Variants in AATF observed in about 807,000 individuals in gnomAD.
AATF encodes apoptosis antagonizing transcription factor.
A neutral mutation model predicts 63.7 loss-of-function variants in AATF; 48 were observed. The ratio of observed to expected loss-of-function variants is 0.75; its 90% CI spans 0.60 to 0.96. The LOEUF is 0.96. AATF is among the 40% of genes least tolerant of loss of function. The probability of loss-of-function intolerance (pLI) is 0.00; values close to 1 mark genes in which losing one functional copy is unlikely to be tolerated. For synonymous variants in AATF, 258 were observed against 247.7 expected (o/e 1.04, Z -0.39); for missense variants, 639 against 685.7 (o/e 0.93, Z 0.76).
intron 4 of AATF, among the ~76,000 whole-genome samples, chr17:36,969,334 T>A (rs1333907433): frequency 6.6e-6 from 1 of 152,256 alleles, no homozygotes; most frequent in Admixed American, 6.5e-5. Flanking sequence ...TTAGTCCCCC[T>A]GTTTTCAATA....
At chr17:36,953,747 G>A in intron 3 of AATF, 23 bp from the exon 4 acceptor site, 1 of 1,604,566 alleles carries the variant, frequency 6.2e-7, no homozygotes. Context: ...TTGAGGAATG[G>A]GATTCTCTTT....
intron 8 of AATF, among the ~76,000 whole-genome samples, chr17:37,009,810 C>T (rs1169606895): frequency 1.7e-5 from 2 of 114,898 alleles, no homozygotes; most frequent in African/African-American, 3.6e-5. Context: ...GGCGACAGAG[C>T]GAGACTCCGT....
At chr17:36,952,029 A>G (rs1168873308) in intron 2 of AATF, among the ~76,000 whole-genome samples, 4 of 152,230 alleles carry the variant, frequency 2.6e-5, no homozygotes, top group Admixed American at 2.0e-4. Context: ...TCAAACAAAG[A>G]GCCTTAACTA....
At chr17:36,952,316 A>G (rs1311521229) in intron 2 of AATF, among the ~76,000 whole-genome samples, 5 of 152,202 alleles carry the variant, frequency 3.3e-5, no homozygotes, top group Admixed American at 2.0e-4. Context: ...ATGCATATCT[A>G]CCACTCCCAC....
intron 2 of AATF, among the ~76,000 whole-genome samples, chr17:36,952,187 A>G (rs1206520781): frequency 6.6e-6 from 1 of 152,222 alleles, no homozygotes; most frequent in Non-Finnish European, 1.5e-5. Context: ...CTTATGCTTC[A>G]TAAGTAAAAT....
Position 36,953,866 on chromosome 17 carries a change from A to G in AATF, c.791A>G (p.Lys264Arg), listed in dbSNP as rs1211081892. The G allele has an allele frequency of 6.8e-6, 11 of 1,614,054 alleles. No individual in the cohort carries two copies. The highest frequency in any genetic ancestry group is 9.3e-6 in the Non-Finnish European group (11 of 1,180,034). ...LPQPDVFPLF[K>R]DKGGPEFSSA... ...CAACCAGATGTTTTCCCATTGTTCAAGGACAAAGGTGGCCCAGAATTTTCC... is the reference window on the plus strand; with the variant it reads ...CAACCAGATGTTTTCCCATTGTTCAGGGACAAAGGTGGCCCAGAATTTTCC... Residue 264 changes from lysine to arginine, a missense_variant, in exon 4 of 12, where the codon AAG becomes AGG. Coordinates refer to ENST00000619387, the MANE Select transcript of AATF (RefSeq NM_012138.4).
intron 8 of AATF, among the ~76,000 whole-genome samples, chr17:37,012,835 A>G (rs1270651138): frequency 6.6e-6 from 1 of 152,228 alleles, no homozygotes; most frequent in Non-Finnish European, 1.5e-5. Flanking sequence ...CACTATATAT[A>G]AAAATTAACT....
intron 4 of AATF, among the ~76,000 whole-genome samples, chr17:36,970,538 T>C (rs34899686): frequency 0.18 from 21,049 of 118,542 alleles, 4,752 homozygotes; most frequent in African/African-American, 0.51. Context: ...TTCTTTCTTT[T>C]TTCTTTTTTT....
chr17:37,021,002 G>A lies in AATF; in HGVS notation c.1535G>A (p.Gly512Asp). The A allele has an allele frequency of 6.2e-7, 1 of 1,610,382 alleles. No individual in the cohort carries two copies. The highest frequency in any genetic ancestry group is 8.5e-7 in the Non-Finnish European group (1 of 1,178,148). Residue 512 changes from glycine (G) to aspartate (D), a missense_variant, in exon 10 of 12, where the codon GGC (glycine) becomes GAC (aspartate). Physicochemically the swap from Gly to Asp is moderately conservative, Grantham distance 94. Coordinates refer to ENST00000619387, the MANE Select transcript of AATF (RefSeq NM_012138.4). ...AAAGTAGATAGGAAAGCCAGCAAAG[G>A]CAGGAAACTTCGGTGAGTTACTTTT... is the stretch of plus-strand genomic sequence containing the variant. Reference protein sequence around the residue: ...HKKVDRKASKGRKLRFHVLSK... With the variant: ...HKKVDRKASKDRKLRFHVLSK...
intron 4 of AATF, among the ~76,000 whole-genome samples, chr17:36,985,919 G>A (rs1360221845): frequency 6.6e-6 from 1 of 152,136 alleles, no homozygotes; most frequent in East Asian, 1.9e-4. Flanking sequence ...TATTACATAT[G>A]CATCTTATTG....
At chr17:37,033,970 G>T (rs990500547) in intron 11 of AATF, among the ~76,000 whole-genome samples, 1 of 152,190 alleles carries the variant, frequency 6.6e-6, no homozygotes, top group Non-Finnish European at 1.5e-5. Flanking sequence ...TCCAGGTAGA[G>T]CAAGCAAGGG....
At position 36,968,266 on chromosome 17, in the gene AATF, CTTTCTTTTT is replaced by C. The variant is rs2071009526; in HGVS notation, c.832+14363_832+14371del. The stretch of plus-strand genomic sequence containing the variant: ...CTTTTTTCTTTTTCTTTCTTTCCTT[CTTTCTTTTT>C]TTTTTTTTTTTTTTTTTTTTTTTTT... On this transcript the variant is annotated intron_variant, in intron 4 of 11. Transcript: ENST00000619387. 5.0e-4 allele frequency among the ~76,000 whole-genome samples: 38 copies of C among 75,572 alleles called. 2 individuals are homozygous for C. The highest frequency in any genetic ancestry group is 1.9e-3 in the African/African-American group (35 of 18,492). 49.6% of individuals were successfully genotyped at this position (75,572 alleles called of 152,430 possible).
chr17:36,980,690 GGA>G (rs1292751977), intron 4 of AATF, among the ~76,000 whole-genome samples: 1 of 152,066 alleles, frequency 6.6e-6, no homozygotes, highest in East Asian at 1.9e-4. Context: ...TGAGTTTCCG[GGA>G]GAGAGTCTTT....
At position 36,954,997 on chromosome 17, in the gene AATF, T is replaced by C. The variant is rs549743658; in HGVS notation, c.832+1090T>C. Among the ~76,000 whole-genome samples the C allele has an allele frequency of 1.2e-4, 19 of 152,264 alleles. 1 individual carries two copies. The South Asian group carries it at 3.9e-3, about 32-fold the overall frequency. ...TAGATATATATGTATAGATTATGTA[T>C]CTATCTCTCTATATATATATTTGGG... On this transcript the variant is annotated intron_variant, in intron 4 of 11. Coordinates refer to ENST00000619387, the MANE Select transcript of AATF (RefSeq NM_012138.4).
intron 10 of AATF, among the ~76,000 whole-genome samples, chr17:37,031,212 C>CT (rs2071549487): frequency 6.6e-6 from 1 of 152,186 alleles, no homozygotes; most frequent in African/African-American, 2.4e-5. Context: ...CAAGTGCAGA[C>CT]TTTTTTCTCG....
In AATF at chr17:36,949,203, G is replaced by C. The variant is rs758028421; in HGVS notation, c.78G>C (p.Ala26=). The change falls in exon 1 of 12, where the codon GCG becomes GCC. Residue 26 remains alanine (A), a synonymous_variant. Transcript: ENST00000619387. ...NPRPSEADPE[A]DPEEATAARV... ...GACCAAGCGAGGCGGACCCTGAAGCGGACCCCGAGGAAGGTGAGGCCGGAC... is the reference window on the plus strand; with the variant it reads ...GACCAAGCGAGGCGGACCCTGAAGCCGACCCCGAGGAAGGTGAGGCCGGAC... The C allele has an allele frequency of 1.1e-5, 17 of 1,591,496 alleles. No homozygotes were observed. In the South Asian group the frequency reaches 1.6e-4, roughly 15 times the overall value.
At chr17:36,956,043 G>T (rs1231255564) in intron 4 of AATF, among the ~76,000 whole-genome samples, 1 of 152,160 alleles carries the variant, frequency 6.6e-6, no homozygotes, top group East Asian at 1.9e-4. Flanking sequence ...GGGATTACAG[G>T]TGTGAGCCAC....
At chr17:37,056,463 C>T (rs1383003720) in intron 11 of AATF, 138 bp from the exon 12 acceptor site, 15 of 767,626 alleles carry the variant, frequency 2.0e-5, no homozygotes, top group Non-Finnish European at 2.6e-5. Flanking sequence ...TGAGTAAGAG[C>T]TGTGGGGTGC....
Position 37,031,635 on chromosome 17 carries a change from A to C in AATF, c.1569A>C (p.Leu523=). 6.2e-7 allele frequency: 1 copy of C among 1,614,138 alleles called. No individual in the cohort carries two copies. Among genetic ancestry groups the C allele is most frequent in the Non-Finnish European group, 8.5e-7 (1 of 1,179,986 alleles). The part of the protein sequence containing the change: ...RKLRFHVLSK[L]LSFMAPIDHT... ...TTAGGTTTCATGTCCTTAGCAAGCT[A>C]CTGAGTTTCATGGCACCTATTGACC... Residue 523 remains leucine (L), a synonymous_variant, in exon 11 of 12, where the codon CTA becomes CTC. Transcript: ENST00000619387.
Sources: gnomAD v4.1 joint callset for allele counts (sites outside exome capture counted in the v4.1 genomes callset) on GRCh38, gnomAD v4.1.1 for gene constraint, MANE v1.5 for transcripts, NCBI Gene and HGNC (gene_info 2026-07-23, HGNC 2026-07-21) for gene names.